The following MTMR12 variants were observed in gnomAD, a reference collection of about 807,000 sequenced individuals.
The protein encoded by MTMR12 is myotubularin-related protein 12.
A neutral mutation model predicts 96.7 loss-of-function variants in MTMR12; 33 were observed. That is an observed-to-expected ratio of 0.34 (90% CI 0.26 to 0.46). The LOEUF is 0.46. Among genes scored for constraint, MTMR12 ranks in the 20% least tolerant of loss-of-function variants. The pLI, the probability that MTMR12 is intolerant of heterozygous loss-of-function variation, is 1.00. For missense variants in MTMR12, 721 were observed against 896.1 expected, an observed-to-expected ratio of 0.80 and a Z score of 2.49; for synonymous variants, 298 against 327.2, an observed-to-expected ratio of 0.91 and a Z score of 0.96.
rs181992324 is a variant in MTMR12, at chr5:32,237,783, T to C, written c.1344+1218A>G. On this transcript the variant is annotated intron_variant, in intron 13 of 15. Coordinates refer to ENST00000382142, the MANE Select transcript of MTMR12 (RefSeq NM_001040446.3). Reference sequence around the variant, plus strand: ...CCTTGGCCTCCCAAAGTCCTGGGATTACAGGTGGGAGCCACCGTGCCTGGC... The same window carrying C: ...CCTTGGCCTCCCAAAGTCCTGGGATCACAGGTGGGAGCCACCGTGCCTGGC... 8.1e-3 allele frequency among the ~76,000 whole-genome samples: 1,231 copies of C among 152,054 alleles called. 13 individuals are homozygous for C. The highest frequency in any genetic ancestry group is 0.028 in the African/African-American group (1,170 of 41,486).
intron 5 of MTMR12, 152 bp from the exon 6 acceptor site, chr5:32,268,946 T>A: frequency 1.9e-6 from 1 of 535,282 alleles, no homozygotes. Flanking sequence ...TCTATGACAT[T>A]AGCTTTTTGG....
chr5:32,239,296 G>T, intron 12 of MTMR12, 123 bp from the exon 13 acceptor site: 1 of 1,021,438 alleles, frequency 9.8e-7, no homozygotes, highest in Non-Finnish European at 1.3e-6. Flanking sequence ...ACTATTAACA[G>T]TCATGTTCTT....
At position 32,302,401 on chromosome 5, in the gene MTMR12, C is replaced by T. The variant is rs980425331; in HGVS notation, c.81+10357G>A. Reference sequence around the variant, plus strand: ...GATGTGATAAATGGACAAAATTTAACCTTTGAAGAGAGACCATTAGAAATT... The same window carrying T: ...GATGTGATAAATGGACAAAATTTAATCTTTGAAGAGAGACCATTAGAAATT... On this transcript the variant is annotated intron_variant, in intron 1 of 15. Transcript: ENST00000382142. Among the ~76,000 whole-genome samples the T allele has an allele frequency of 3.9e-5, 6 of 152,094 alleles. 1 individual carries two copies. Among genetic ancestry groups the T allele is most frequent in the Admixed American group, 2.0e-4 (3 of 15,270 alleles).
At chr5:32,253,486 C>T (rs183012429) in intron 8 of MTMR12, among the ~76,000 whole-genome samples, 3 of 152,258 alleles carry the variant, frequency 2.0e-5, no homozygotes, top group Admixed American at 2.0e-4. Flanking sequence ...ATTGAGGGCT[C>T]TATGTTTCCC....
At chr5:32,291,238 C>T (rs62363271) in intron 1 of MTMR12, among the ~76,000 whole-genome samples, 45,906 of 152,078 alleles carry the variant, frequency 0.3, 7,077 homozygotes, top group East Asian at 0.42. Context: ...CAAAAGTGGA[C>T]AGCTGTAGCA....
At chr5:32,272,570 G>C (rs1749880002) in intron 3 of MTMR12, among the ~76,000 whole-genome samples, 1 of 151,978 alleles carries the variant, frequency 6.6e-6, no homozygotes, top group African/African-American at 2.4e-5. Context: ...TTAGAGACAT[G>C]ATTTCCACAT....
chr5:32,236,424 A>G (rs940557212), intron 13 of MTMR12, among the ~76,000 whole-genome samples: 4 of 152,124 alleles, frequency 2.6e-5, no homozygotes, highest in African/African-American at 9.7e-5. Context: ...GTGTACACCT[A>G]TAGTCCCAGC....
intron 3 of MTMR12, among the ~76,000 whole-genome samples, chr5:32,273,304 G>C (rs1480312023): frequency 1.3e-5 from 2 of 152,148 alleles, no homozygotes; most frequent in African/African-American, 4.8e-5. Context: ...AGGAGGCTGA[G>C]GTGGGAGGAT....
rs746085191 is a variant in MTMR12, at chr5:32,312,731, C to G, written c.81+27G>C. The G allele has an allele frequency of 3.4e-6, 5 of 1,488,846 alleles. No homozygotes were observed. The highest frequency in any genetic ancestry group is 4.5e-6 in the Non-Finnish European group (5 of 1,121,342). 92.2% of individuals were successfully genotyped at this position (1,488,846 alleles called of 1,614,324 possible). A position where few individuals can be genotyped will look rare whatever the true frequency, so the allele number is the denominator to read the frequency against. On this transcript the variant is annotated intron_variant, in intron 1 of 15. Transcript: ENST00000382142. The surrounding 1 kb of genome is among the most constrained non-coding windows in gnomAD (Gnocchi z 5.0). ...CCTCGCCCCGGCCGCCCCTGCCCGA[C>G]GCCCCGCCTGCGCGGCGCCCCCTCA... is the stretch of plus-strand genomic sequence containing the variant.
At chr5:32,264,711 G>A (rs998492990) in intron 6 of MTMR12, among the ~76,000 whole-genome samples, 1 of 151,768 alleles carries the variant, frequency 6.6e-6, no homozygotes, top group Admixed American at 6.6e-5. Context: ...CACCCACCTC[G>A]GCCTCCCAAA....
chr5:32,303,087 G>C (rs747958267), intron 1 of MTMR12, among the ~76,000 whole-genome samples: 1 of 152,150 alleles, frequency 6.6e-6, no homozygotes, highest in African/African-American at 2.4e-5. Context: ...TGGCTCTGAC[G>C]AAACTTCTGA....
rs551424790 is a variant in MTMR12, at chr5:32,308,726, G to A, written c.81+4032C>T. Among the ~76,000 whole-genome samples, 12 of 151,926 alleles carry A rather than the reference G, an allele frequency of 7.9e-5. No homozygotes were observed. The South Asian group carries it at 1.0e-3, about 13-fold the overall frequency. On this transcript the variant is annotated intron_variant, in intron 1 of 15. Transcript: ENST00000382142. ...AGGGATTCTCCTGCCTGAGCCTCCCGAGTAACTGGGACTAACTACAGGCAC... is the reference window on the plus strand; with the variant it reads ...AGGGATTCTCCTGCCTGAGCCTCCCAAGTAACTGGGACTAACTACAGGCAC...
chr5:32,273,555 C>T (rs1749926022), intron 3 of MTMR12, among the ~76,000 whole-genome samples: 1 of 152,060 alleles, frequency 6.6e-6, no homozygotes, highest in Non-Finnish European at 1.5e-5. Context: ...ATATATATTG[C>T]ACTGAAATAC....
chr5:32,308,753 C>T (rs1036027131), intron 1 of MTMR12, among the ~76,000 whole-genome samples: 1 of 152,056 alleles, frequency 6.6e-6, no homozygotes, highest in African/African-American at 2.4e-5. Flanking sequence ...TACAGGCACA[C>T]ACCACCACGC....
chr5:32,276,821 C>A, intron 1 of MTMR12, 79 bp from the exon 2 acceptor site: 4 of 1,021,174 alleles, frequency 3.9e-6, no homozygotes, highest in Non-Finnish European at 5.8e-6. Flanking sequence ...TTTCAGAATA[C>A]ACACTAAAAT....
chr5:32,242,275 G>T (rs7729256), intron 11 of MTMR12, 148 bp from the exon 12 acceptor site: 463,294 of 463,612 alleles, frequency 1, 231,490 homozygotes, highest in Middle Eastern at 1. Flanking sequence ...GAAAAGAAAC[G>T]AACTTCCATT....
At chr5:32,257,067 C>A (rs1749166735) in intron 7 of MTMR12, among the ~76,000 whole-genome samples, 1 of 152,018 alleles carries the variant, frequency 6.6e-6, no homozygotes, top group Non-Finnish European at 1.5e-5. Context: ...GTGGCACACG[C>A]CTATAATCCC....
At chr5:32,302,959 T>C (rs1190119103) in intron 1 of MTMR12, among the ~76,000 whole-genome samples, 10 of 152,220 alleles carry the variant, frequency 6.6e-5, no homozygotes, top group Non-Finnish European at 1.3e-4. Context: ...GGAACTTTCC[T>C]GGCATGACAA....
intron 1 of MTMR12, among the ~76,000 whole-genome samples, chr5:32,288,479 A>G (rs539855104): frequency 2.4e-4 from 36 of 152,332 alleles, no homozygotes; most frequent in African/African-American, 8.7e-4. Context: ...TAACTGGACT[A>G]AAGTCCCAGC....
Sources: gnomAD v4.1 joint callset for allele counts (sites outside exome capture counted in the v4.1 genomes callset) on GRCh38, gnomAD v4.1.1 for gene constraint, Gnocchi (gnomAD v3.1) non-coding constraint, MANE v1.5 for transcripts, NCBI Gene and HGNC (gene_info 2026-07-23, HGNC 2026-07-21) for gene names.